The following ANXA10 variants were observed in gnomAD, a reference collection of about 807,000 sequenced individuals.
ANXA10 encodes the protein annexin A10.
Under a neutral mutation model 53.5 loss-of-function variants are expected in ANXA10, and 49 were observed. The observed-to-expected ratio is 0.92, with a 90% CI of 0.73 to 1.16. The LOEUF is 1.16. Ranked by LOEUF, ANXA10 falls within the 50% of genes most tolerant of loss-of-function variation. The pLI is 0.00. For synonymous variants in ANXA10, 131 were observed against 128.9 expected (o/e 1.02, Z -0.11); for missense variants, 393 against 394.4 (o/e 1.00, Z 0.03).
rs1431696962 is a variant in ANXA10, at chr4:168,184,692, G to A, written c.906+11G>A. ...TTTCATGATATCAGAGTAAGTTTCC[G>A]ACACATGATTTATTTGGACCCACAT... On this transcript the variant is annotated intron_variant, in intron 11 of 11. Coordinates refer to ENST00000359299, the MANE Select transcript of ANXA10 (RefSeq NM_007193.5). 5.6e-6 allele frequency: 9 copies of A among 1,611,180 alleles called. No homozygotes were observed. Among genetic ancestry groups the A allele is most frequent in the East Asian group, 4.5e-5 (2 of 44,836 alleles).
At chr4:168,136,802 G>A (rs551407557) in intron 2 of ANXA10, among the ~76,000 whole-genome samples, 1 of 152,330 alleles carries the variant, frequency 6.6e-6, no homozygotes, top group Admixed American at 6.5e-5. Flanking sequence ...GTGTCCCAGT[G>A]TGGGGGCTCC....
intron 3 of ANXA10, among the ~76,000 whole-genome samples, chr4:168,147,450 CA>C (rs1342804101): frequency 2.0e-5 from 3 of 152,178 alleles, no homozygotes; most frequent in African/African-American, 7.2e-5. Context: ...AACCATCTAT[CA>C]TAGAAACTTA....
At chr4:168,168,245 A>G (rs1731917968) in intron 6 of ANXA10, among the ~76,000 whole-genome samples, 1 of 152,166 alleles carries the variant, frequency 6.6e-6, no homozygotes, top group Non-Finnish European at 1.5e-5. Flanking sequence ...AAGAGAATAG[A>G]GGTTTCTTCA....
intron 2 of ANXA10, among the ~76,000 whole-genome samples, chr4:168,130,667 AT>A (rs1360287984): frequency 6.6e-6 from 1 of 151,878 alleles, no homozygotes; most frequent in Non-Finnish European, 1.5e-5. Context: ...GCCCATTCAG[AT>A]TGTCTATGAG....
intron 1 of ANXA10, among the ~76,000 whole-genome samples, chr4:168,121,363 G>A (rs988501736): frequency 3.3e-5 from 5 of 151,998 alleles, no homozygotes; most frequent in Middle Eastern, 3.4e-3. Context: ...TTGTGTATAC[G>A]TATTTAATTT....
At chr4:168,168,545 G>A (rs1452362848) in intron 6 of ANXA10, among the ~76,000 whole-genome samples, 5 of 151,920 alleles carry the variant, frequency 3.3e-5, no homozygotes, top group East Asian at 3.9e-4. Context: ...TCAGCCTCCC[G>A]AGTAGCTGGG....
intron 2 of ANXA10, among the ~76,000 whole-genome samples, chr4:168,132,811 T>A (rs1443593963): frequency 6.6e-6 from 1 of 152,080 alleles, no homozygotes. Context: ...TAAATTTTAG[T>A]AATAATTATG....
rs544170063 is a variant in ANXA10 at position 168,112,865 on chromosome 4, A to G, written c.19-15219A>G. ...ATGAAATCCTGTCTCTACTAAAAAT[A>G]CAAAAAAATTAGCCAGGTGTGGTGG... On this transcript the variant is annotated intron_variant, in intron 1 of 11. Coordinates refer to ENST00000359299, the MANE Select transcript of ANXA10 (RefSeq NM_007193.5). Among the ~76,000 whole-genome samples, 28 of 152,230 alleles carry G rather than the reference A, an allele frequency of 1.8e-4. 1 individual carries two copies. In the South Asian group the frequency reaches 5.8e-3, roughly 32 times the overall value.
chr4:168,152,571 A>G (rs1056970340), intron 3 of ANXA10, among the ~76,000 whole-genome samples: 6 of 152,074 alleles, frequency 3.9e-5, no homozygotes, highest in Admixed American at 1.3e-4. Context: ...GAGAGAAAAC[A>G]TTTTGAGCAG....
chr4:168,182,318 ATTTTTTTT>A (rs542260478), intron 10 of ANXA10, among the ~76,000 whole-genome samples: 4 of 49,754 alleles, frequency 8.0e-5, no homozygotes, highest in African/African-American at 1.1e-4. Flanking sequence ...TGGAGCATTA[ATTTTTTTT>A]TTTTTTTTTT....
At chr4:168,167,670 T>C (rs1363235578) in intron 6 of ANXA10, among the ~76,000 whole-genome samples, 1 of 152,210 alleles carries the variant, frequency 6.6e-6, no homozygotes, top group East Asian at 1.9e-4. Context: ...TCTAAAAACT[T>C]AGAAGAGTTG....
chr4:168,149,700 C>A (rs1731465871), intron 3 of ANXA10, among the ~76,000 whole-genome samples: 1 of 152,146 alleles, frequency 6.6e-6, no homozygotes, highest in Non-Finnish European at 1.5e-5. Context: ...GATGATTTCT[C>A]TTCATGGAGG....
intron 1 of ANXA10, among the ~76,000 whole-genome samples, chr4:168,099,602 G>A (rs1431809676): frequency 6.6e-6 from 1 of 151,810 alleles, no homozygotes; most frequent in African/African-American, 2.4e-5. Flanking sequence ...ACAACTTAAC[G>A]ACCAGAAGAA....
intron 1 of ANXA10, among the ~76,000 whole-genome samples, chr4:168,104,038 T>C (rs1730681576): frequency 6.6e-6 from 1 of 151,964 alleles, no homozygotes. Flanking sequence ...TGTAGGGTTT[T>C]TGTAGATGTC....
rs1187590792 is a variant in ANXA10 at position 168,139,571 on chromosome 4, G to A, written c.186G>A (p.Met62Ile). 6.2e-7 allele frequency: 1 copy of A among 1,609,394 alleles called. No homozygotes were observed. The highest frequency in any genetic ancestry group is 1.1e-5 in the South Asian group (1 of 90,746). The change falls in exon 3 of 12, where the codon ATG becomes ATA. Residue 62 changes from methionine to isoleucine, a missense_variant. Met to Ile is a conservative substitution (Grantham distance 10, BLOSUM62 1). Coordinates refer to ENST00000359299, the MANE Select transcript of ANXA10 (RefSeq NM_007193.5). ...RMMIAEAYQS[M>I]YGRDLIGDMR... The stretch of plus-strand genomic sequence containing the variant: ...TGATTGCAGAGGCATACCAGAGCAT[G>A]TATGGCCGGGTAAGGCCACTTTATC...
intron 1 of ANXA10, among the ~76,000 whole-genome samples, chr4:168,093,516 G>A (rs1014294462): frequency 1.3e-5 from 2 of 152,046 alleles, no homozygotes; most frequent in Non-Finnish European, 2.9e-5. Context: ...TTATATACAA[G>A]TATATGTGTG....
chr4:168,117,251 T>G (rs1006443043), intron 1 of ANXA10, among the ~76,000 whole-genome samples: 2 of 152,036 alleles, frequency 1.3e-5, no homozygotes, highest in Non-Finnish European at 2.9e-5. Context: ...TCAAAAATAC[T>G]AAGAAGAAGA....
chr4:168,177,707 C>A (rs552677976), intron 6 of ANXA10, 33 bp from the exon 7 acceptor site: 3 of 1,610,068 alleles, frequency 1.9e-6, no homozygotes, highest in Admixed American at 1.7e-5. Flanking sequence ...TGACTAAGAA[C>A]ATTTACATGG....
chr4:168,127,987 G>T, intron 1 of ANXA10, 97 bp from the exon 2 acceptor site: 2 of 1,100,592 alleles, frequency 1.8e-6, no homozygotes, highest in Non-Finnish European at 2.7e-6. Context: ...GCCTCCCAAA[G>T]TGCAGAGATT....
Sources: allele counts gnomAD v4.1 joint callset (sites outside exome capture counted in the v4.1 genomes callset), GRCh38; gene constraint gnomAD v4.1.1; transcripts MANE v1.5; gene names NCBI Gene and HGNC (gene_info 2026-07-23, HGNC 2026-07-21).